The following DNAH10 variants were observed in gnomAD, a reference collection of about 807,000 sequenced individuals.
DNAH10 encodes dynein axonemal heavy chain 10.
Under a neutral mutation model 506.6 loss-of-function variants are expected in DNAH10, and 348 were observed. That is an observed-to-expected ratio of 0.69 (90% CI 0.63 to 0.75). The LOEUF (loss-of-function observed/expected upper bound fraction) is 0.75, where lower values mean the gene tolerates loss of function less well. Ranked by LOEUF, DNAH10 falls within the 30% of genes least tolerant of loss-of-function variation. The pLI is 0.00. For missense variants in DNAH10, 5,179 were observed against 5,787.1 expected, an observed-to-expected ratio of 0.89 and a Z score of 3.41; for synonymous variants, 2,059 against 2,198.6, an observed-to-expected ratio of 0.94 and a Z score of 1.78.
chr12:123,915,610 T>A (rs553929892), intron 62 of DNAH10, among the ~76,000 whole-genome samples: 1 of 152,200 alleles, frequency 6.6e-6, no homozygotes, highest in Admixed American at 6.5e-5. Flanking sequence ...TTCTTAGGAA[T>A]GGACTCAGAC....
intron 32 of DNAH10, among the ~76,000 whole-genome samples, chr12:123,847,300 CATCTATTTTATCTATCT>C (rs1412623445): frequency 2.0e-5 from 3 of 148,414 alleles, no homozygotes; most frequent in Non-Finnish European, 4.5e-5. Flanking sequence ...TCATCTCGAT[CATCTATTTTATCTATCT>C]ATCTATCTAT....
At chr12:123,807,587 G>A (rs1958729383) in intron 18 of DNAH10, among the ~76,000 whole-genome samples, 1 of 151,960 alleles carries the variant, frequency 6.6e-6, no homozygotes, top group South Asian at 2.1e-4. Flanking sequence ...CAGAAAGAAG[G>A]AAAGATGAGA....
chr12:123,919,124 G>A lies in DNAH10; in HGVS notation c.11506+175G>A, dbSNP rs951801325. The A allele has an allele frequency of 1.1e-4, 89 of 787,196 alleles. 1 individual carries two copies. In the Admixed American group the frequency reaches 2.7e-3, roughly 24 times the overall value. The allele number at this position is 787,196 out of a possible 1,614,324, so 48.8% of individuals were successfully genotyped here. A position where few individuals can be genotyped will look rare whatever the true frequency, so the allele number is the denominator to read the frequency against. On this transcript the variant is annotated intron_variant, in intron 65 of 78. Coordinates refer to ENST00000673944, the MANE Select transcript of DNAH10 (RefSeq NM_001372106.1). This position sits in a 1 kb window ranked among gnomAD's most constrained non-coding sequence, Gnocchi z 4.9. ...AGGGTCTTGCTCCATCACCCAGGCT[G>A]GAATGCAGTGGTGCGATCACGGCTC... is the stretch of plus-strand genomic sequence containing the variant.
chr12:123,874,568 TACCCATCC>T (rs1380018139), intron 46 of DNAH10, among the ~76,000 whole-genome samples: 1 of 147,150 alleles, frequency 6.8e-6, no homozygotes, highest in African/African-American at 2.5e-5. Flanking sequence ...TCCATCCATC[TACCCATCC>T]ACCCATCCAT....
At chr12:123,854,243 C>T (rs1951303175) in intron 36 of DNAH10, among the ~76,000 whole-genome samples, 1 of 152,072 alleles carries the variant, frequency 6.6e-6, no homozygotes, top group Admixed American at 6.5e-5. Context: ...ATTTTCTCCC[C>T]TGCTCCTCTA....
chr12:123,866,419 A>AT (rs1951813651), intron 41 of DNAH10, among the ~76,000 whole-genome samples: 1 of 150,832 alleles, frequency 6.6e-6, no homozygotes, highest in Non-Finnish European at 1.5e-5. Flanking sequence ...AATTTTTTGT[A>AT]TTTTTAGTAG....
intron 11 of DNAH10, among the ~76,000 whole-genome samples, chr12:123,793,680 C>T (rs2136236245): frequency 6.6e-6 from 1 of 152,288 alleles, no homozygotes; most frequent in South Asian, 2.1e-4. Context: ...GAACTATTTC[C>T]TCTGTTGTTG....
chr12:123,762,784 C>G lies in DNAH10; in HGVS notation c.214+234C>G, dbSNP rs930990237. ...AAGTCAGGCCTTGATTGAAAAATCA[C>G]AGCAAACACTGACTTAGCCCGCACC... On this transcript the variant is annotated intron_variant, in intron 1 of 78. Coordinates refer to ENST00000673944, the MANE Select transcript of DNAH10 (RefSeq NM_001372106.1). This position sits in a 1 kb window ranked among gnomAD's most constrained non-coding sequence, Gnocchi z 5.0. 2.6e-5 allele frequency among the ~76,000 whole-genome samples: 4 copies of G among 152,258 alleles called. No homozygotes were observed. The highest frequency in any genetic ancestry group is 9.6e-5 in the African/African-American group (4 of 41,474).
At chr12:123,796,255 G>T (rs1229561645) in intron 12 of DNAH10, among the ~76,000 whole-genome samples, 1 of 152,112 alleles carries the variant, frequency 6.6e-6, no homozygotes. Flanking sequence ...TCAGGAGTTT[G>T]ATACCTGCCT....
In DNAH10 at chr12:123,909,173, G is replaced by A; in HGVS notation, c.9816-88G>A. On this transcript the variant is annotated intron_variant, in intron 57 of 78. Coordinates refer to ENST00000673944, the MANE Select transcript of DNAH10 (RefSeq NM_001372106.1). This position sits in a 1 kb window ranked among gnomAD's most constrained non-coding sequence, Gnocchi z 5.4. The stretch of plus-strand genomic sequence containing the variant: ...CAGTAGCTCCAGGGACTGTCTTTTG[G>A]TTGAGCTCGTTTTTCTGGAGCTCTC... 1 of 1,518,868 alleles carries A rather than the reference G, an allele frequency of 6.6e-7. No individual in the cohort carries two copies. Among genetic ancestry groups the A allele is most frequent in the South Asian group, 1.2e-5 (1 of 82,658 alleles). 94.1% of individuals were successfully genotyped at this position (1,518,868 alleles called of 1,614,324 possible). A position where few individuals can be genotyped will look rare whatever the true frequency, so the allele number is the denominator to read the frequency against.
chr12:123,791,383 G>A (rs567205941), intron 11 of DNAH10, among the ~76,000 whole-genome samples: 77 of 152,254 alleles, frequency 5.1e-4, no homozygotes, highest in Admixed American at 5.2e-4. Context: ...TGCAGGAAGC[G>A]TAATTAGGAG....
At chr12:123,896,604 G>A (rs1953257773) in intron 54 of DNAH10, among the ~76,000 whole-genome samples, 1 of 151,920 alleles carries the variant, frequency 6.6e-6, no homozygotes, top group Non-Finnish European at 1.5e-5. Context: ...GTTAGACGTG[G>A]TGATCGCTTC....
intron 48 of DNAH10, among the ~76,000 whole-genome samples, chr12:123,878,675 T>A (rs1952366909): frequency 6.6e-6 from 1 of 152,110 alleles, no homozygotes; most frequent in Non-Finnish European, 1.5e-5. Context: ...GGGAGGAGGA[T>A]CACTTGAGCC....
At position 123,835,484 on chromosome 12, in the gene DNAH10, G is replaced by A; in HGVS notation, c.4858G>A (p.Glu1620Lys). 1.2e-6 allele frequency: 2 copies of A among 1,608,260 alleles called. No individual in the cohort carries two copies. The highest frequency in any genetic ancestry group is 8.5e-7 in the Non-Finnish European group (1 of 1,177,078). Residue 1620 changes from glutamate to lysine, a missense_variant, in exon 28 of 79, where the codon GAA becomes AAA. Transcript: ENST00000673944. ...TGGAGATATAAGATCACAACTTCCG[G>A]AAGAGGCAAAAAAGTTTGACAACAT... ...IGGDIRSQLP[E>K]EAKKFDNIDK...
intron 59 of DNAH10, among the ~76,000 whole-genome samples, 164 bp from the exon 60 acceptor site, chr12:123,912,934 G>A (rs550546907): frequency 1.3e-5 from 2 of 152,260 alleles, no homozygotes; most frequent in South Asian, 2.1e-4. Context: ...GCAAACAGTC[G>A]AAGAAGAAAC....
chr12:123,770,393 A>AT (rs1257059856), intron 2 of DNAH10, among the ~76,000 whole-genome samples: 3 of 151,132 alleles, frequency 2.0e-5, no homozygotes, highest in Non-Finnish European at 4.4e-5. Context: ...TAACATTTTG[A>AT]TTTTTTGTAG....
chr12:123,822,226 G>A (rs1959486417), intron 24 of DNAH10, among the ~76,000 whole-genome samples: 2 of 152,156 alleles, frequency 1.3e-5, no homozygotes, highest in South Asian at 4.2e-4. Flanking sequence ...AAATAAAAAA[G>A]TTGCAAATGT....
intron 52 of DNAH10, among the ~76,000 whole-genome samples, 194 bp downstream of exon 52, chr12:123,887,507 G>A (rs1445602304): frequency 2.0e-5 from 3 of 152,122 alleles, no homozygotes; most frequent in Non-Finnish European, 2.9e-5. Flanking sequence ...TCTCCCGAGT[G>A]TGCCCCCTTC....
chr12:123,933,969 GA>G, intron 77 of DNAH10: 1 of 474,506 alleles, frequency 2.1e-6, no homozygotes, highest in Non-Finnish European at 3.7e-6. Context: ...ATGAGAGCTG[GA>G]AACTGCTGTT....
Sources: gnomAD v4.1 joint callset for allele counts (sites outside exome capture counted in the v4.1 genomes callset) on GRCh38, gnomAD v4.1.1 for gene constraint, Gnocchi (gnomAD v3.1) non-coding constraint, MANE v1.5 for transcripts, NCBI Gene and HGNC (gene_info 2026-07-23, HGNC 2026-07-21) for gene names.